The following B3GALT1 variants were observed in gnomAD, a reference collection of about 807,000 sequenced individuals.
The protein encoded by B3GALT1 is UDP-Gal:betaGlcNAc beta 1,3-galactosyltransferase, polypeptide 1.
A neutral mutation model predicts 23.2 loss-of-function variants in B3GALT1; 10 were observed. That is an observed-to-expected ratio of 0.43 (90% CI 0.27 to 0.73). B3GALT1 has a LOEUF of 0.73. B3GALT1 is among the 30% of genes least tolerant of loss of function. The pLI is 0.21. For missense variants in B3GALT1, 299 were observed against 405.4 expected (o/e 0.74, Z 2.25); for synonymous variants, 156 against 141.5 (o/e 1.10, Z -0.73).
At chr2:167,530,389 T>A (rs183144994) in intron 2 of B3GALT1, among the ~76,000 whole-genome samples, 129 of 152,334 alleles carry the variant, frequency 8.5e-4, no homozygotes, top group African/African-American at 1.9e-3. Context: ...ATAACTCCCT[T>A]GCTCCTAAGA....
chr2:167,494,212 G>A (rs1214212364), intron 2 of B3GALT1, among the ~76,000 whole-genome samples: 1 of 151,778 alleles, frequency 6.6e-6, no homozygotes, highest in Non-Finnish European at 1.5e-5. Flanking sequence ...AAAGAATGAA[G>A]TGTATAATTT....
chr2:167,654,514 T>C (rs887479056), intron 3 of B3GALT1, among the ~76,000 whole-genome samples: 2 of 152,130 alleles, frequency 1.3e-5, no homozygotes, highest in African/African-American at 4.8e-5. Flanking sequence ...TCTTTCTTTT[T>C]TTTGAGACAG....
chr2:167,563,833 C>A (rs1272720280), intron 2 of B3GALT1, among the ~76,000 whole-genome samples: 2 of 144,828 alleles, frequency 1.4e-5, no homozygotes. Flanking sequence ...AGAGAGGCTC[C>A]CCACCTCCCA....
intron 1 of B3GALT1, among the ~76,000 whole-genome samples, chr2:167,344,571 A>T (rs1246676136): frequency 6.6e-6 from 1 of 152,134 alleles, no homozygotes; most frequent in Non-Finnish European, 1.5e-5. Context: ...AAAAAGAGAG[A>T]TTGTGTTTTG....
chr2:167,727,372 T>A (rs1687334399), intron 3 of B3GALT1, among the ~76,000 whole-genome samples: 1 of 152,184 alleles, frequency 6.6e-6, no homozygotes, highest in Admixed American at 6.5e-5. Flanking sequence ...TCGCTTCTTC[T>A]AAAGACCTGA....
At chr2:167,461,353 C>T (rs75761573) in intron 1 of B3GALT1, among the ~76,000 whole-genome samples, 1 of 152,192 alleles carries the variant, frequency 6.6e-6, no homozygotes, top group Admixed American at 6.5e-5. Context: ...TCAAACCTTC[C>T]ATAGACGCCA....
At chr2:167,311,239 G>A (rs922187883) in intron 1 of B3GALT1, among the ~76,000 whole-genome samples, 2 of 152,008 alleles carry the variant, frequency 1.3e-5, no homozygotes, top group African/African-American at 2.4e-5. Flanking sequence ...AAAGTTTTGT[G>A]TCAGTTCAGA....
At chr2:167,616,748 A>G (rs1685168727) in intron 2 of B3GALT1, among the ~76,000 whole-genome samples, 1 of 152,014 alleles carries the variant, frequency 6.6e-6, no homozygotes, top group Non-Finnish European at 1.5e-5. Flanking sequence ...TGTTAATGGT[A>G]ATTCTGGTTG....
chr2:167,634,630 TC>T (rs1685515960), intron 2 of B3GALT1, among the ~76,000 whole-genome samples: 1 of 151,822 alleles, frequency 6.6e-6, no homozygotes, highest in African/African-American at 2.4e-5. Context: ...GACATATACA[TC>T]CTTCCAAGAC....
chr2:167,426,411 A>G (rs937070877), intron 1 of B3GALT1, among the ~76,000 whole-genome samples: 3 of 151,508 alleles, frequency 2.0e-5, no homozygotes, highest in Admixed American at 1.3e-4. Flanking sequence ...AGTAGCTGGG[A>G]CTACAGGCGC....
At chr2:167,715,301 T>C in intron 3 of B3GALT1, 1 of 1,613,994 alleles carries the variant, frequency 6.2e-7, no homozygotes, top group Middle Eastern at 1.7e-4. Context: ...ATTCAGAACT[T>C]GTTCTGCTTA....
intron 3 of B3GALT1, among the ~76,000 whole-genome samples, chr2:167,662,350 T>C (rs992614171): frequency 6.6e-6 from 1 of 152,136 alleles, no homozygotes; most frequent in African/African-American, 2.4e-5. Context: ...ACAGCAGCTT[T>C]AGTTTCACAG....
intron 2 of B3GALT1, among the ~76,000 whole-genome samples, chr2:167,562,029 T>A (rs1226296858): frequency 2.0e-5 from 3 of 152,194 alleles, no homozygotes; most frequent in Non-Finnish European, 4.4e-5. Context: ...ACCAATATCC[T>A]TGATGAACAC....
intron 1 of B3GALT1, among the ~76,000 whole-genome samples, chr2:167,446,420 A>C (rs1310625202): frequency 6.6e-6 from 1 of 152,278 alleles, no homozygotes; most frequent in East Asian, 1.9e-4. Flanking sequence ...TGCCTTGCTA[A>C]GTTGGGGAAG....
chr2:167,746,969 T>A (rs190454549), intron 3 of B3GALT1, among the ~76,000 whole-genome samples: 15 of 152,326 alleles, frequency 9.8e-5, no homozygotes, highest in Non-Finnish European at 1.6e-4. Flanking sequence ...AATTCTTTTG[T>A]GCCCTATGTT....
Position 167,765,706 on chromosome 2 carries a change from C to T in B3GALT1, c.-351-52966C>T, listed in dbSNP as rs11892121. Among the ~76,000 whole-genome samples, 933 of 152,194 alleles carry T rather than the reference C, an allele frequency of 6.1e-3. 9 individuals are homozygous for T. The highest frequency in any genetic ancestry group is 0.021 in the African/African-American group (883 of 41,532). ...GGATACCAAATTTGACTATAAAATA[C>T]GTAGACATAAAAATTCTTTTTACCC... is the stretch of plus-strand genomic sequence containing the variant. On this transcript the variant is annotated intron_variant, in intron 3 of 4. Coordinates refer to ENST00000392690, the MANE Select transcript of B3GALT1 (RefSeq NM_020981.4).
chr2:167,416,848 G>A (rs1698478661), intron 1 of B3GALT1, among the ~76,000 whole-genome samples: 1 of 152,126 alleles, frequency 6.6e-6, no homozygotes, highest in Admixed American at 6.5e-5. Flanking sequence ...TATCTTTCTG[G>A]GTTTCAGATT....
chr2:167,535,489 G>A (rs112343772), intron 2 of B3GALT1, among the ~76,000 whole-genome samples: 1 of 152,082 alleles, frequency 6.6e-6, no homozygotes, highest in African/African-American at 2.4e-5. Flanking sequence ...AGCTAACAGA[G>A]TTAATCTAAC....
intron 4 of B3GALT1, among the ~76,000 whole-genome samples, chr2:167,861,090 A>ATTCC (rs1385317783): frequency 6.6e-6 from 1 of 152,160 alleles, no homozygotes; most frequent in Non-Finnish European, 1.5e-5. Flanking sequence ...CTGACTTAGG[A>ATTCC]TTTTTTGACA....
Sources: allele counts gnomAD v4.1 joint callset (sites outside exome capture counted in the v4.1 genomes callset), GRCh38; gene constraint gnomAD v4.1.1; transcripts MANE v1.5; gene names NCBI Gene and HGNC (gene_info 2026-07-23, HGNC 2026-07-21).